The following FSTL4 variants were observed in gnomAD, a reference collection of about 807,000 sequenced individuals.
FSTL4 encodes the protein follistatin like 4.
In FSTL4, 28 loss-of-function variants were observed where a neutral mutation model predicts 78.2. The ratio of observed to expected loss-of-function variants is 0.36; its 90% CI spans 0.27 to 0.49. The LOEUF (loss-of-function observed/expected upper bound fraction) is 0.49. Among genes scored for constraint, FSTL4 ranks in the 20% least tolerant of loss-of-function variants. The probability of loss-of-function intolerance (pLI) is 0.98; values close to 1 mark genes in which losing one functional copy is unlikely to be tolerated. For missense variants in FSTL4, 922 were observed against 1,084.9 expected (o/e 0.85, Z 2.11); for synonymous variants, 422 against 440.5 (o/e 0.96, Z 0.53).
intron 4 of FSTL4, among the ~76,000 whole-genome samples, chr5:133,359,728 C>T (rs1755028649): frequency 1.3e-5 from 2 of 152,160 alleles, no homozygotes; most frequent in African/African-American, 4.8e-5. Flanking sequence ...AATGAAAGGC[C>T]CCACATCTGC....
At chr5:133,625,624 CT>C in the FSTL4 span, among the ~76,000 whole-genome samples, 1 of 146,134 alleles carries the variant, frequency 6.8e-6, no homozygotes, top group South Asian at 2.1e-4. Flanking sequence ...AATTTCTTTT[CT>C]TATTTTTATT....
chr5:133,555,730 A>G (rs1759772550), intron 3 of FSTL4, among the ~76,000 whole-genome samples: 1 of 152,222 alleles, frequency 6.6e-6, no homozygotes, highest in Non-Finnish European at 1.5e-5. Context: ...GTTTCTGAGC[A>G]GGAGATTAGA....
the FSTL4 span, among the ~76,000 whole-genome samples, chr5:133,840,063 GACAAA>G: frequency 2.0e-5 from 3 of 152,166 alleles, no homozygotes; most frequent in East Asian, 5.8e-4. Context: ...AGGAGAAAGG[GACAAA>G]ACCTTCCTTC....
chr5:133,312,246 C>T (rs10069024), intron 6 of FSTL4, among the ~76,000 whole-genome samples: 1 of 152,272 alleles, frequency 6.6e-6, no homozygotes, highest in Admixed American at 6.5e-5. Flanking sequence ...CATGGCCAAG[C>T]CTCCAGGCCC....
chr5:133,756,780 G>GT, the FSTL4 span, among the ~76,000 whole-genome samples: 2 of 152,072 alleles, frequency 1.3e-5, no homozygotes, highest in Non-Finnish European at 2.9e-5. Flanking sequence ...TTGTGGTGAG[G>GT]TTTTTTTCTA....
chr5:133,590,093 C>CTTTATTTATTTATTTATTTA lies in FSTL4; in HGVS notation c.126+13745_126+13764dup, dbSNP rs60216054. Among the ~76,000 whole-genome samples the CTTTATTTATTTATTTATTTA allele has an allele frequency of 1.0e-2, 1,485 of 149,120 alleles. 27 individuals are homozygous for CTTTATTTATTTATTTATTTA. The highest frequency in any genetic ancestry group is 0.034 in the African/African-American group (1,378 of 40,274). Reference sequence around the variant, plus strand: ...TGAGAATTCCTATTGGGAATCTCCTCTTTATTTATTTATTTATTTATTTAT... The same window carrying CTTTATTTATTTATTTATTTA: ...TGAGAATTCCTATTGGGAATCTCCTCTTTATTTATTTATTTATTTATTTATTTATTTATTTATTTATTTAT... On this transcript the variant is annotated intron_variant, in intron 2 of 15. Coordinates refer to ENST00000265342, the MANE Select transcript of FSTL4 (RefSeq NM_015082.2).
chr5:133,717,680 A>G, the FSTL4 span, among the ~76,000 whole-genome samples: 2 of 152,172 alleles, frequency 1.3e-5, no homozygotes, highest in African/African-American at 4.8e-5. Flanking sequence ...TACAGTGCCT[A>G]TTCTTTTATG....
At chr5:133,543,221 T>G (rs1246649972) in intron 3 of FSTL4, among the ~76,000 whole-genome samples, 1 of 152,072 alleles carries the variant, frequency 6.6e-6, no homozygotes, top group Non-Finnish European at 1.5e-5. Context: ...TGGTTAATTT[T>G]TTTATCTTTT....
In FSTL4 at chr5:133,400,785, A is replaced by G; in HGVS notation, c.362T>C (p.Leu121Pro). ...GTGGATGACGGTGATCCTCTTTCCC[A>G]GGAGGCAAGCAGCACGGTGGAGCTT... ...HCKLHRAACL[L>P]GKRITVIHSK... is the part of the protein sequence containing the mutation. Residue 121 changes from leucine to proline, a missense_variant, in exon 4 of 16, where the codon CTG becomes CCG. Leu to Pro is a moderately conservative substitution (Grantham distance 98, BLOSUM62 -3). Coordinates refer to ENST00000265342, the MANE Select transcript of FSTL4 (RefSeq NM_015082.2). 1 of 1,614,068 alleles carries G rather than the reference A, an allele frequency of 6.2e-7. No individual in the cohort carries two copies. Among genetic ancestry groups the G allele is most frequent in the Non-Finnish European group, 8.5e-7 (1 of 1,179,974 alleles).
intron 6 of FSTL4, among the ~76,000 whole-genome samples, chr5:133,307,783 C>CCCAATTTTCTT (rs1753688108): frequency 2.2e-5 from 3 of 137,228 alleles, no homozygotes; most frequent in Non-Finnish European, 4.6e-5. Flanking sequence ...TCCCAATTTT[C>CCCAATTTTCTT]TTTTTTTTTT....
intron 2 of FSTL4, among the ~76,000 whole-genome samples, chr5:133,570,506 C>T (rs960813055): frequency 2.0e-5 from 3 of 152,030 alleles, no homozygotes; most frequent in African/African-American, 7.2e-5. Flanking sequence ...TAAACTTGTC[C>T]AAGGTCTCAT....
upstream of FSTL4, among the ~76,000 whole-genome samples, chr5:133,616,013 G>A: frequency 6.6e-6 from 1 of 152,188 alleles, no homozygotes; most frequent in East Asian, 1.9e-4. Context: ...ACTCACAGGG[G>A]CTGGATTGAT....
At chr5:133,532,000 A>G (rs1238368867) in intron 3 of FSTL4, among the ~76,000 whole-genome samples, 1 of 152,204 alleles carries the variant, frequency 6.6e-6, no homozygotes, top group Non-Finnish European at 1.5e-5. Flanking sequence ...GTTCTCTTAC[A>G]CTGCAAAACG....
intron 3 of FSTL4, among the ~76,000 whole-genome samples, chr5:133,519,947 A>G (rs1758941756): frequency 6.6e-6 from 1 of 152,240 alleles, no homozygotes; most frequent in Non-Finnish European, 1.5e-5. Context: ...ATTACTTGGG[A>G]TAAACAAGTA....
the FSTL4 span, among the ~76,000 whole-genome samples, chr5:133,713,043 A>C: frequency 6.6e-6 from 1 of 152,210 alleles, no homozygotes; most frequent in Non-Finnish European, 1.5e-5. Flanking sequence ...ATTTTGAAAA[A>C]GAAATATACA....
Position 133,236,879 on chromosome 5 carries a change from T to C in FSTL4, c.895-3342A>G, listed in dbSNP as rs113772735. On this transcript the variant is annotated intron_variant, in intron 7 of 15. Transcript: ENST00000265342. This position sits in a 1 kb window ranked among gnomAD's most constrained non-coding sequence, Gnocchi z 5.0. Reference sequence around the variant, plus strand: ...GACGCACTGCTGTGCCGCCTGCTGCTTTCTGTACTTACCTTGTTTGCTGTC... The same window carrying C: ...GACGCACTGCTGTGCCGCCTGCTGCCTTCTGTACTTACCTTGTTTGCTGTC... Among the ~76,000 whole-genome samples the C allele has an allele frequency of 2.8e-3, 431 of 152,304 alleles. 1 individual carries two copies. Among genetic ancestry groups the C allele is most frequent in the African/African-American group, 9.9e-3 (411 of 41,568 alleles).
Position 133,229,297 on chromosome 5 carries a change from G to A in FSTL4, c.1016-3478C>T, listed in dbSNP as rs563133975. 1.5e-4 allele frequency among the ~76,000 whole-genome samples: 23 copies of A among 152,304 alleles called. No individual in the cohort carries two copies. The South Asian group carries it at 3.9e-3, about 26-fold the overall frequency. On this transcript the variant is annotated intron_variant, in intron 8 of 15. Transcript: ENST00000265342. ...AGCACTTTGGGAGGCTGAGGTGGGC[G>A]GATCGCTCGAGTCCAGGAGTTTGAG...
At chr5:133,784,009 A>T in the FSTL4 span, among the ~76,000 whole-genome samples, 1 of 151,750 alleles carries the variant, frequency 6.6e-6, no homozygotes, top group Non-Finnish European at 1.5e-5. Context: ...TGCCTCCTCC[A>T]CTTACTAGTT....
the FSTL4 span, among the ~76,000 whole-genome samples, chr5:133,702,567 C>T: frequency 1.3e-5 from 2 of 152,184 alleles, no homozygotes; most frequent in African/African-American, 4.8e-5. Flanking sequence ...CAGGGCCCAT[C>T]CTCCATCATC....
Sources: allele counts gnomAD v4.1 joint callset (sites outside exome capture counted in the v4.1 genomes callset), GRCh38; gene constraint gnomAD v4.1.1; non-coding constraint Gnocchi (gnomAD v3.1); transcripts MANE v1.5; gene names NCBI Gene and HGNC (gene_info 2026-07-23, HGNC 2026-07-21).